Variants in SUPT3H observed in about 807,000 individuals in gnomAD.
SUPT3H encodes the protein transcription initiation protein SPT3 homolog.
Under a neutral mutation model 44.3 loss-of-function variants are expected in SUPT3H, and 44 were observed. That is an observed-to-expected ratio of 0.99 (90% CI 0.78 to 1.28). The LOEUF (loss-of-function observed/expected upper bound fraction) is 1.28. Ranked by LOEUF, SUPT3H falls within the 50% of genes most tolerant of loss-of-function variation. The pLI is 0.00. For synonymous variants in SUPT3H, 124 were observed against 125.6 expected (o/e 0.99, Z 0.09); for missense variants, 380 against 387.1 (o/e 0.98, Z 0.15).
chr6:45,318,962 C>A (rs1231683312), intron 2 of SUPT3H, among the ~76,000 whole-genome samples: 3 of 152,020 alleles, frequency 2.0e-5, no homozygotes, highest in Non-Finnish European at 4.4e-5. Flanking sequence ...AAAATCTTCC[C>A]TACATAAATA....
At chr6:45,242,369 T>G (rs549948067) in intron 2 of SUPT3H, among the ~76,000 whole-genome samples, 1 of 152,290 alleles carries the variant, frequency 6.6e-6, no homozygotes, top group Non-Finnish European at 1.5e-5. Context: ...AAGAAAGAAC[T>G]TTAGAAGTCT....
At chr6:45,301,918 C>T (rs1782192166) in intron 2 of SUPT3H, among the ~76,000 whole-genome samples, 1 of 152,022 alleles carries the variant, frequency 6.6e-6, no homozygotes, top group Non-Finnish European at 1.5e-5. Context: ...TTAGACTAGC[C>T]TCCCACACTA....
At chr6:45,153,959 A>AG (rs1350043538) in intron 2 of SUPT3H, among the ~76,000 whole-genome samples, 3 of 151,026 alleles carry the variant, frequency 2.0e-5, no homozygotes, top group African/African-American at 7.3e-5. Context: ...AGACCCAGCT[A>AG]CTCGGGAGGC....
chr6:44,854,222 ATTTT>A (rs745705299), intron 10 of SUPT3H, among the ~76,000 whole-genome samples: 2 of 151,910 alleles, frequency 1.3e-5, no homozygotes, highest in Admixed American at 6.6e-5. Context: ...TGCAGGAATG[ATTTT>A]TTTTGTCTTG....
At chr6:45,299,677 G>A (rs2149915137) in intron 2 of SUPT3H, among the ~76,000 whole-genome samples, 1 of 151,676 alleles carries the variant, frequency 6.6e-6, no homozygotes, top group South Asian at 2.1e-4. Flanking sequence ...ACTTTGGGGA[G>A]GCTGAGGAAG....
chr6:45,101,111 T>C (rs1282717993), intron 3 of SUPT3H, among the ~76,000 whole-genome samples: 2 of 152,204 alleles, frequency 1.3e-5, no homozygotes, highest in Admixed American at 6.5e-5. Flanking sequence ...AAATATCACA[T>C]GTTCTCACTG....
chr6:45,149,510 C>G (rs1038996069), intron 2 of SUPT3H, among the ~76,000 whole-genome samples: 5 of 152,172 alleles, frequency 3.3e-5, no homozygotes, highest in African/African-American at 1.2e-4. Context: ...AATATCATCA[C>G]TGCCAAATCA....
intron 10 of SUPT3H, among the ~76,000 whole-genome samples, chr6:44,888,500 A>G (rs374799633): frequency 3.9e-5 from 6 of 152,172 alleles, no homozygotes; most frequent in East Asian, 1.9e-4. Context: ...TATAAATAGA[A>G]CCAAAGACAA....
chr6:44,881,314 G>A lies in SUPT3H; in HGVS notation c.912+51339C>T, dbSNP rs1437019116. ...GAAGGCCATTACATAATGGTAAAGG[G>A]ATCAATGCAACAAGAAGAGCTAACT... is the stretch of plus-strand genomic sequence containing the variant. On this transcript the variant is annotated intron_variant, in intron 10 of 10. Coordinates refer to ENST00000371459, the MANE Select transcript of SUPT3H (RefSeq NM_003599.4). Among the ~76,000 whole-genome samples, 3 of 152,242 alleles carry A rather than the reference G, an allele frequency of 2.0e-5. No individual in the cohort carries two copies. In the East Asian group the frequency reaches 5.8e-4, roughly 29 times the overall value.
chr6:45,138,992 G>T (rs1464329629), intron 2 of SUPT3H, among the ~76,000 whole-genome samples: 1 of 152,104 alleles, frequency 6.6e-6, no homozygotes, highest in Non-Finnish European at 1.5e-5. Context: ...CATGTTTGGT[G>T]GCACTGCTGT....
At chr6:45,041,242 T>A (rs981293210) in intron 3 of SUPT3H, among the ~76,000 whole-genome samples, 1 of 152,220 alleles carries the variant, frequency 6.6e-6, no homozygotes, top group Non-Finnish European at 1.5e-5. Flanking sequence ...GAAACTGCAC[T>A]TAAAGGCAGG....
chr6:45,221,682 TC>T (rs1443788701), intron 2 of SUPT3H, among the ~76,000 whole-genome samples: 4 of 152,164 alleles, frequency 2.6e-5, no homozygotes, highest in African/African-American at 4.8e-5. Flanking sequence ...TTAATTTAAT[TC>T]CTATTATAAT....
intron 10 of SUPT3H, among the ~76,000 whole-genome samples, chr6:44,835,314 AACT>A (rs1769629411): frequency 6.6e-6 from 1 of 152,082 alleles, no homozygotes; most frequent in South Asian, 2.1e-4. Context: ...CCCTCTCCCA[AACT>A]ACTGTTAACT....
chr6:45,069,498 C>T (rs1055158529), intron 3 of SUPT3H, among the ~76,000 whole-genome samples: 1 of 151,932 alleles, frequency 6.6e-6, no homozygotes, highest in African/African-American at 2.4e-5. Context: ...ATTGGCATGG[C>T]ATATTTGGCT....
At chr6:45,145,694 T>C (rs766233312) in intron 2 of SUPT3H, among the ~76,000 whole-genome samples, 2 of 152,064 alleles carry the variant, frequency 1.3e-5, no homozygotes, top group Non-Finnish European at 2.9e-5. Flanking sequence ...AAAAAGTTTC[T>C]GTACAGCAAA....
At chr6:45,066,078 C>T (rs1371328181) in intron 3 of SUPT3H, among the ~76,000 whole-genome samples, 1 of 129,114 alleles carries the variant, frequency 7.7e-6, no homozygotes, top group Non-Finnish European at 1.6e-5. Context: ...ACTGGCAAAA[C>T]GAATCCAGCA....
At chr6:45,197,339 T>C (rs1816225128) in intron 2 of SUPT3H, among the ~76,000 whole-genome samples, 1 of 151,578 alleles carries the variant, frequency 6.6e-6, no homozygotes, top group South Asian at 2.1e-4. Flanking sequence ...TAGTTCATAC[T>C]ATGATCTAAT....
rs1284986 is a variant in SUPT3H at position 45,095,588 on chromosome 6, C to T, written c.186+10334G>A. 0.87 allele frequency among the ~76,000 whole-genome samples: 132,311 copies of T among 152,168 alleles called. 57,766 individuals carry two copies. Among genetic ancestry groups the T allele is most frequent in the African/African-American group, 0.91 (37,848 of 41,536 alleles). ...ATGTGAAAACTAGTGTAACCAACTA[C>T]ACAGCTTACTACTGACTGGTAGATT... On this transcript the variant is annotated intron_variant, in intron 3 of 10. Transcript: ENST00000371459. This position sits in a 1 kb window ranked among gnomAD's most constrained non-coding sequence, Gnocchi z 4.1.
intron 10 of SUPT3H, among the ~76,000 whole-genome samples, chr6:44,910,289 T>G (rs1766808134): frequency 6.6e-6 from 1 of 152,242 alleles, no homozygotes; most frequent in Non-Finnish European, 1.5e-5. Context: ...TTACATGTCA[T>G]GCCTTCATTC....
Sources: allele counts gnomAD v4.1 joint callset (sites outside exome capture counted in the v4.1 genomes callset), GRCh38; gene constraint gnomAD v4.1.1; non-coding constraint Gnocchi (gnomAD v3.1); transcripts MANE v1.5; gene names NCBI Gene and HGNC (gene_info 2026-07-23, HGNC 2026-07-21).